Variants in MAPK10 observed in about 807,000 individuals in gnomAD.
The protein encoded by MAPK10 is mitogen-activated protein kinase 10.
Under a neutral mutation model 59.3 loss-of-function variants are expected in MAPK10, and 25 were observed. The ratio of observed to expected loss-of-function variants is 0.42; its 90% CI spans 0.31 to 0.59. MAPK10 has a LOEUF of 0.59. Ranked by LOEUF, MAPK10 falls within the 20% of genes least tolerant of loss-of-function variation. The pLI is 0.15. For synonymous variants in MAPK10, 190 were observed against 200.5 expected, an observed-to-expected ratio of 0.95 and a Z score of 0.44; for missense variants, 351 against 568.9, an observed-to-expected ratio of 0.62 and a Z score of 3.90.
chr4:86,101,317 A>G (rs1203246965), intron 7 of MAPK10, 100 bp from the exon 8 acceptor site: 2 of 779,484 alleles, frequency 2.6e-6, no homozygotes, highest in Non-Finnish European at 4.2e-6. Context: ...AGCACTGATG[A>G]GGTCCCCCTT....
intron 10 of MAPK10, 92 bp downstream of exon 10, chr4:86,067,681 A>G (rs1309318377): frequency 8.4e-6 from 9 of 1,067,948 alleles, no homozygotes; most frequent in Non-Finnish European, 1.2e-5. Context: ...AATAAAAGGG[A>G]ACAAAGAGAA....
chr4:86,442,941 C>A (rs1032520536), intron 1 of MAPK10, among the ~76,000 whole-genome samples: 3 of 152,104 alleles, frequency 2.0e-5, no homozygotes, highest in African/African-American at 7.2e-5. Context: ...CAAAGCTAAA[C>A]AAGCTGAACA....
At chr4:86,177,587 G>C (rs954521240) in intron 3 of MAPK10, among the ~76,000 whole-genome samples, 1 of 151,986 alleles carries the variant, frequency 6.6e-6, no homozygotes, top group Admixed American at 6.6e-5. Flanking sequence ...CTGGAACCAA[G>C]CTTAATGATG....
chr4:86,098,276 C>G (rs148069643), intron 9 of MAPK10: 3 of 349,188 alleles, frequency 8.6e-6, no homozygotes, highest in Admixed American at 4.4e-5. Flanking sequence ...AATAGCATTT[C>G]TATTTTTAGT....
chr4:86,112,964 A>G (rs2057735801), intron 4 of MAPK10, among the ~76,000 whole-genome samples: 1 of 151,610 alleles, frequency 6.6e-6, no homozygotes, highest in Admixed American at 6.6e-5. Flanking sequence ...ACAATTATGT[A>G]ATGTCCTTCT....
intron 3 of MAPK10, among the ~76,000 whole-genome samples, chr4:86,190,660 C>A (rs188373227): frequency 1.0e-3 from 154 of 151,804 alleles, no homozygotes; most frequent in African/African-American, 3.6e-3. Context: ...GTCTGGCTAG[C>A]AGTCTATCTA....
Position 86,336,784 on chromosome 4 carries a change from C to CTTT in MAPK10, c.-7+17743_-7+17745dup, listed in dbSNP as rs70948788. On this transcript the variant is annotated intron_variant, in intron 2 of 13. Transcript: ENST00000641462. ...AGCTCCACGACATCAGGAATGACTCCTTTTTTTTTTTTTTTTTTTTTTTTG... is the reference window on the plus strand; with the variant it reads ...AGCTCCACGACATCAGGAATGACTCCTTTTTTTTTTTTTTTTTTTTTTTTTTTG... 7.8e-3 allele frequency among the ~76,000 whole-genome samples: 651 copies of CTTT among 83,100 alleles called. 3 individuals are homozygous for CTTT. The highest frequency in any genetic ancestry group is 0.021 in the Middle Eastern group (2 of 96). 54.5% of individuals were successfully genotyped at this position (83,100 alleles called of 152,430 possible).
intron 2 of MAPK10, among the ~76,000 whole-genome samples, chr4:86,217,752 A>G (rs1331941802): frequency 6.6e-6 from 1 of 152,166 alleles, no homozygotes; most frequent in Non-Finnish European, 1.5e-5. Flanking sequence ...TTAATAAGAT[A>G]CCTATTTGTA....
At chr4:86,426,471 TCTC>T (rs1366400595) in intron 1 of MAPK10, among the ~76,000 whole-genome samples, 2 of 152,158 alleles carry the variant, frequency 1.3e-5, no homozygotes, top group African/African-American at 4.8e-5. Context: ...GAGAAGTACA[TCTC>T]CTCTGAAAAA....
chr4:86,407,253 A>C (rs545555645), intron 1 of MAPK10, among the ~76,000 whole-genome samples: 4 of 152,346 alleles, frequency 2.6e-5, no homozygotes, highest in South Asian at 2.1e-4. Flanking sequence ...ATTTTAAAAA[A>C]AGTACTATTA....
intron 1 of MAPK10, among the ~76,000 whole-genome samples, chr4:86,401,192 G>A (rs1043991711): frequency 1.3e-5 from 2 of 152,214 alleles, no homozygotes; most frequent in East Asian, 3.9e-4. Context: ...ACAAAATGCT[G>A]AAGTGTCCAA....
chr4:86,167,877 G>A (rs567131230), intron 3 of MAPK10, among the ~76,000 whole-genome samples: 1 of 152,232 alleles, frequency 6.6e-6, no homozygotes, highest in Admixed American at 6.5e-5. Context: ...TTTCTGACCA[G>A]GGCAATCAGG....
chr4:86,551,608 CTCTT>C (rs1345597109), intron 1 of MAPK10, among the ~76,000 whole-genome samples: 2 of 150,556 alleles, frequency 1.3e-5, no homozygotes, highest in East Asian at 2.0e-4. Flanking sequence ...CTCTCTTTCT[CTCTT>C]TCTTTCTTTT....
intron 2 of MAPK10, among the ~76,000 whole-genome samples, chr4:86,250,069 C>T (rs2093334597): frequency 6.6e-6 from 1 of 152,172 alleles, no homozygotes; most frequent in Non-Finnish European, 1.5e-5. Flanking sequence ...GACTATGTCT[C>T]ATACTTTGCC....
At chr4:86,388,314 T>C (rs7695155) in intron 1 of MAPK10, among the ~76,000 whole-genome samples, 111,055 of 151,990 alleles carry the variant, frequency 0.73, 41,186 homozygotes, top group South Asian at 0.9. Context: ...CAGTAAACAT[T>C]CATATATTTT....
intron 1 of MAPK10, among the ~76,000 whole-genome samples, chr4:86,563,849 T>C (rs1760863152): frequency 6.6e-6 from 1 of 152,186 alleles, no homozygotes; most frequent in Non-Finnish European, 1.5e-5. Flanking sequence ...TTATTTTTTT[T>C]GAGACGGAGT....
At chr4:86,406,586 G>C (rs1015715526) in intron 1 of MAPK10, among the ~76,000 whole-genome samples, 20 of 152,186 alleles carry the variant, frequency 1.3e-4, no homozygotes, top group Non-Finnish European at 4.4e-5. Flanking sequence ...TCTCTGCACT[G>C]AACACAGAAC....
intron 11 of MAPK10, among the ~76,000 whole-genome samples, chr4:86,061,709 T>C (rs1310756973): frequency 6.6e-6 from 1 of 152,146 alleles, no homozygotes; most frequent in African/African-American, 2.4e-5. Flanking sequence ...TTATCCCCTA[T>C]CCACTTGCCA....
chr4:86,525,632 G>T (rs762957544), intron 1 of MAPK10, among the ~76,000 whole-genome samples: 5 of 152,124 alleles, frequency 3.3e-5, no homozygotes, highest in Non-Finnish European at 5.9e-5. Context: ...TGAGTATAAA[G>T]GTTGTACAAT....
Sources: allele counts gnomAD v4.1 joint callset (sites outside exome capture counted in the v4.1 genomes callset), GRCh38; gene constraint gnomAD v4.1.1; transcripts MANE v1.5; gene names NCBI Gene and HGNC (gene_info 2026-07-23, HGNC 2026-07-21).